SUGCT: variants seen among roughly 807,000 people sequenced by gnomAD.
SUGCT encodes succinyl-CoA:glutarate CoA-transferase.
SUGCT carries 41 observed loss-of-function variants against 55.0 expected under a neutral mutation model. That is an observed-to-expected ratio of 0.74 (90% CI 0.58 to 0.97). The LOEUF is 0.97. Among genes scored for constraint, SUGCT ranks in the 50% least tolerant of loss-of-function variants. SUGCT has a pLI of 0.00. For missense variants in SUGCT, 568 were observed against 547.8 expected (o/e 1.04, Z -0.37); for synonymous variants, 187 against 200.4 (o/e 0.93, Z 0.56).
At chr7:40,476,559 G>A (rs534549911) in intron 11 of SUGCT, among the ~76,000 whole-genome samples, 1 of 152,138 alleles carries the variant, frequency 6.6e-6, no homozygotes, top group African/African-American at 2.4e-5. Context: ...CGTTCTTTGT[G>A]TATATGGTAT....
At chr7:40,391,741 C>T (rs1002378260) in intron 9 of SUGCT, among the ~76,000 whole-genome samples, 1 of 152,182 alleles carries the variant, frequency 6.6e-6, no homozygotes, top group African/African-American at 2.4e-5. Flanking sequence ...CCTCAAGGAT[C>T]TCAAACTAGA....
At chr7:40,686,924 C>T (rs554953220) in intron 12 of SUGCT, among the ~76,000 whole-genome samples, 5 of 152,148 alleles carry the variant, frequency 3.3e-5, no homozygotes, top group South Asian at 2.1e-4. Flanking sequence ...AACTTTAAGC[C>T]GATGCTCATG....
At chr7:40,958,689 CAGTTTCG>C in the SUGCT span, among the ~76,000 whole-genome samples, 1 of 152,012 alleles carries the variant, frequency 6.6e-6, no homozygotes, top group African/African-American at 2.4e-5. Flanking sequence ...ATTCTCTGTC[CAGTTTCG>C]TTCCCTTGCT....
intron 12 of SUGCT, among the ~76,000 whole-genome samples, chr7:40,580,048 C>A (rs761588171): frequency 1.4e-4 from 22 of 152,098 alleles, no homozygotes; most frequent in Non-Finnish European, 2.6e-4. Flanking sequence ...TAACTTTTGC[C>A]TAGATATCTA....
intron 12 of SUGCT, among the ~76,000 whole-genome samples, chr7:40,510,670 A>G (rs1398021410): frequency 2.0e-5 from 3 of 152,188 alleles, no homozygotes; most frequent in African/African-American, 4.8e-5. Context: ...TTCAACAGCC[A>G]CTTTGGGACC....
intron 6 of SUGCT, among the ~76,000 whole-genome samples, chr7:40,218,644 C>T (rs1270121734): frequency 6.0e-5 from 9 of 150,410 alleles, no homozygotes; most frequent in African/African-American, 2.2e-4. Context: ...GGGTGGGGAC[C>T]TGAATAACTT....
At chr7:40,419,828 G>T (rs1787210958) in intron 9 of SUGCT, among the ~76,000 whole-genome samples, 1 of 152,098 alleles carries the variant, frequency 6.6e-6, no homozygotes, top group South Asian at 2.1e-4. Flanking sequence ...TTAATAAAAA[G>T]AAAAAAACTT....
chr7:40,894,916 A>G, the SUGCT span, among the ~76,000 whole-genome samples: 1 of 152,208 alleles, frequency 6.6e-6, no homozygotes, highest in Non-Finnish European at 1.5e-5. Context: ...TCCTCAAGGA[A>G]CTTAAAATAG....
the SUGCT span, among the ~76,000 whole-genome samples, chr7:40,980,270 C>A: frequency 5.3e-5 from 8 of 152,226 alleles, no homozygotes; most frequent in East Asian, 1.4e-3. Flanking sequence ...TCTCAAAGAC[C>A]CTGTCTCCTA....
At chr7:40,572,212 C>A (rs1166685943) in intron 12 of SUGCT, among the ~76,000 whole-genome samples, 2 of 152,002 alleles carry the variant, frequency 1.3e-5, no homozygotes, top group Non-Finnish European at 2.9e-5. Context: ...TTACACCAGG[C>A]ATGCAAATTT....
chr7:40,334,618 ATTTG>A (rs1796569505), intron 9 of SUGCT, among the ~76,000 whole-genome samples: 1 of 152,034 alleles, frequency 6.6e-6, no homozygotes, highest in Non-Finnish European at 1.5e-5. Context: ...TTTCTTGTAA[ATTTG>A]TTTAAGTTCT....
At chr7:40,899,845 CA>C in the SUGCT span, among the ~76,000 whole-genome samples, 2 of 152,192 alleles carry the variant, frequency 1.3e-5, no homozygotes, top group African/African-American at 2.4e-5. Context: ...TTTAACCTGC[CA>C]CTCCTTCCCG....
chr7:40,805,352 G>A (rs989279064), intron 13 of SUGCT, among the ~76,000 whole-genome samples: 1 of 152,052 alleles, frequency 6.6e-6, no homozygotes, highest in African/African-American at 2.4e-5. Context: ...CTGCCCCCCG[G>A]AAGTTCTCAT....
At chr7:40,508,472 A>G (rs946997600) in intron 12 of SUGCT, among the ~76,000 whole-genome samples, 2 of 152,154 alleles carry the variant, frequency 1.3e-5, no homozygotes, top group Admixed American at 6.5e-5. Flanking sequence ...AGTAGAAGGT[A>G]GGTGGAGAGG....
chr7:40,350,851 T>A (rs1797593884), intron 9 of SUGCT, among the ~76,000 whole-genome samples: 1 of 151,822 alleles, frequency 6.6e-6, no homozygotes, highest in Non-Finnish European at 1.5e-5. Context: ...TGTGTTTTCA[T>A]TGTTCAACTC....
At chr7:40,780,838 T>G (rs1789710189) in intron 13 of SUGCT, among the ~76,000 whole-genome samples, 1 of 151,866 alleles carries the variant, frequency 6.6e-6, no homozygotes, top group Non-Finnish European at 1.5e-5. Flanking sequence ...TTGAAAACTT[T>G]TAAATATTTT....
the SUGCT span, among the ~76,000 whole-genome samples, chr7:40,916,569 T>G: frequency 6.6e-6 from 1 of 152,188 alleles, no homozygotes; most frequent in Non-Finnish European, 1.5e-5. Flanking sequence ...GGTAATAGCA[T>G]CCTATCATAA....
At chr7:40,501,660 T>C (rs9690969) in intron 12 of SUGCT, among the ~76,000 whole-genome samples, 36,380 of 151,954 alleles carry the variant, frequency 0.24, 5,423 homozygotes, top group African/African-American at 0.42. Context: ...ATTCAGTAAA[T>C]CATCATTGAC....
At chr7:40,556,185 G>A (rs1030560382) in intron 12 of SUGCT, among the ~76,000 whole-genome samples, 3 of 152,128 alleles carry the variant, frequency 2.0e-5, no homozygotes, top group African/African-American at 4.8e-5. Flanking sequence ...AGCACGCTTT[G>A]TTCCTAACAA....
Sources: gnomAD v4.1 joint callset for allele counts (sites outside exome capture counted in the v4.1 genomes callset) on GRCh38, gnomAD v4.1.1 for gene constraint, MANE v1.5 for transcripts, NCBI Gene and HGNC (gene_info 2026-07-23, HGNC 2026-07-21) for gene names.